Variants in MAPK8IP3 observed in about 807,000 individuals in gnomAD.
The protein encoded by MAPK8IP3 is mitogen-activated protein kinase 8 interacting protein 3.
In MAPK8IP3, 49 loss-of-function variants were observed where a neutral mutation model predicts 157.8. The observed-to-expected ratio is 0.31, with a 90% CI of 0.25 to 0.39. The LOEUF is 0.39. Ranked by LOEUF, MAPK8IP3 falls within the 10% of genes least tolerant of loss-of-function variation. MAPK8IP3 has a pLI of 1.00. For synonymous variants in MAPK8IP3, 897 were observed against 777.7 expected, an observed-to-expected ratio of 1.15 and a Z score of -2.55; for missense variants, 1,478 against 1,889.4, an observed-to-expected ratio of 0.78 and a Z score of 4.04.
At position 1,767,977 on chromosome 16, in the gene MAPK8IP3, C is replaced by T. The variant is rs552595422; in HGVS notation, c.3523+59C>T. ...GCTGCCAGAGGTGTACGTGGGTTCACGGGGTGGCTCTGCAGGGCCACCTTG... is the reference window on the plus strand; with the variant it reads ...GCTGCCAGAGGTGTACGTGGGTTCATGGGGTGGCTCTGCAGGGCCACCTTG... On this transcript the variant is annotated intron_variant, in intron 28 of 31. Transcript: ENST00000610761. The T allele has an allele frequency of 1.1e-4, 183 of 1,607,478 alleles. 1 individual carries two copies. Among genetic ancestry groups the T allele is most frequent in the South Asian group, 8.6e-4 (78 of 90,982 alleles).
At chr16:1,764,874 TC>T (rs1439513626) in intron 19 of MAPK8IP3, 138 bp from the exon 20 acceptor site, 5 of 801,170 alleles carry the variant, frequency 6.2e-6, no homozygotes, top group Non-Finnish European at 7.9e-6. Flanking sequence ...ATTGTTCTGG[TC>T]CTGGGGGAGG....
chr16:1,746,834 A>C, intron 5 of MAPK8IP3, 195 bp from the exon 6 acceptor site: 1 of 636,804 alleles, frequency 1.6e-6, no homozygotes, highest in Admixed American at 3.0e-5. Context: ...CAGTGGCCGG[A>C]TAAGCAGAGC....
intron 20 of MAPK8IP3, among the ~76,000 whole-genome samples, 155 bp from the exon 21 acceptor site, chr16:1,765,804 TC>T (rs1423206253): frequency 6.6e-6 from 1 of 151,924 alleles, no homozygotes; most frequent in Non-Finnish European, 1.5e-5. Flanking sequence ...AGGCAGAGGG[TC>T]GTGGGTGGGC....
intron 1 of MAPK8IP3, among the ~76,000 whole-genome samples, chr16:1,720,585 C>A (rs767762122): frequency 2.0e-5 from 3 of 152,160 alleles, no homozygotes; most frequent in African/African-American, 7.2e-5. Flanking sequence ...TCCAGAAGCA[C>A]GTCACACAAT....
chr16:1,706,804 C>G lies in MAPK8IP3; in HGVS notation c.318+147C>G. On this transcript the variant is annotated intron_variant, in intron 1 of 31. Transcript: ENST00000610761. The surrounding 1 kb of genome is among the most constrained non-coding windows in gnomAD (Gnocchi z 5.1). ...TGGACCCCCAGACCCCGCCCCGAGA[C>G]CCGCCTGGACCCCATATCCCCCGCC... 1.2e-6 allele frequency: 1 copy of G among 807,288 alleles called. No homozygotes were observed. Among genetic ancestry groups the G allele is most frequent in the Non-Finnish European group, 1.8e-6 (1 of 548,380 alleles). 50.0% of individuals were successfully genotyped at this position (807,288 alleles called of 1,614,324 possible).
chr16:1,754,125 A>G (rs2041456858), intron 8 of MAPK8IP3, among the ~76,000 whole-genome samples: 1 of 151,744 alleles, frequency 6.6e-6, no homozygotes, highest in Admixed American at 6.6e-5. Context: ...GTGAGCCGAG[A>G]TCGCACCACC....
chr16:1,764,046 GTC>G (rs1361132141), intron 17 of MAPK8IP3, 67 bp from the exon 18 acceptor site: 1 of 1,446,862 alleles, frequency 6.9e-7, no homozygotes, highest in Non-Finnish European at 9.3e-7. Context: ...AGCCCTACCT[GTC>G]TCAGATTTCT....
rs1297441969 is a variant in MAPK8IP3 at position 1,764,172 on chromosome 16, T to C, written c.2083T>C (p.Tyr695His). The change falls in exon 18 of 32, where the codon TAC becomes CAC. Residue 695 changes from tyrosine to histidine, a missense_variant. This residue lies in a region of MAPK8IP3 where 669 missense variants were observed against 759.8 expected (regional missense o/e 0.88). Transcript: ENST00000610761. ...GATGAAGAACGTGCCGGTGCCGGTG[T>C]ACTGCCGCCCTCTGGTGGAGAAGGA... Reference protein sequence around the residue: ...TRMKNVPVPVYCRPLVEKDPT... With the variant: ...TRMKNVPVPVHCRPLVEKDPT... 1 of 1,611,840 alleles carries C rather than the reference T, an allele frequency of 6.2e-7. No homozygotes were observed. Among genetic ancestry groups the C allele is most frequent in the Non-Finnish European group, 8.5e-7 (1 of 1,179,576 alleles).
At chr16:1,767,438 C>A in intron 26 of MAPK8IP3, 126 bp from the exon 27 acceptor site, 5 of 1,496,994 alleles carry the variant, frequency 3.3e-6, no homozygotes, top group Non-Finnish European at 4.5e-6. Context: ...CTCGAACAGG[C>A]GCAAAGCAGG....
chr16:1,760,296 G>A (rs146483992), intron 11 of MAPK8IP3, 84 bp from the exon 12 acceptor site: 179 of 1,509,936 alleles, frequency 1.2e-4, no homozygotes, highest in Middle Eastern at 2.5e-4. Context: ...TCTCCAGGGC[G>A]GAAGTGCAGG....
At chr16:1,744,203 C>T (rs1356267586) in intron 5 of MAPK8IP3, 1 of 985,492 alleles carries the variant, frequency 1.0e-6, no homozygotes, top group Non-Finnish European at 1.2e-6. Context: ...AGGACAGCCA[C>T]CTTCCTGGGA....
chr16:1,748,610 A>C lies in MAPK8IP3; in HGVS notation c.1106A>C (p.Gln369Pro). Residue 369 changes from glutamine (Q) to proline (P), a missense_variant, in exon 8 of 32, where the codon CAG becomes CCG. Gln to Pro is a moderately conservative substitution (Grantham distance 76). Around this residue, in one of 11 missense-constraint regions of MAPK8IP3, gnomAD observed 315 missense variants for 394.4 expected, o/e 0.80. Transcript: ENST00000610761. ...CCTGTGGATCCCAACAGCCCAACCC[A>C]GGGCATCGTGAACAAAGCTTTCGGC... ...RLDRTGSSPT[Q>P]GIVNKAFGIN... 6.2e-7 allele frequency: 1 copy of C among 1,613,260 alleles called. No individual in the cohort carries two copies. The highest frequency in any genetic ancestry group is 1.3e-5 in the African/African-American group (1 of 75,038).
intron 1 of MAPK8IP3, among the ~76,000 whole-genome samples, chr16:1,719,895 T>G (rs1264609591): frequency 6.6e-6 from 1 of 151,832 alleles, no homozygotes; most frequent in Non-Finnish European, 1.5e-5. Context: ...ATGTTGAGAG[T>G]TCTACAAAAG....
At chr16:1,714,744 AT>A (rs1450674824) in intron 1 of MAPK8IP3, among the ~76,000 whole-genome samples, 2 of 152,004 alleles carry the variant, frequency 1.3e-5, no homozygotes, top group African/African-American at 4.8e-5. Context: ...GGGTTAGAGC[AT>A]TCATGTTTTG....
chr16:1,739,756 G>C (rs976746878), intron 4 of MAPK8IP3, among the ~76,000 whole-genome samples: 1 of 135,164 alleles, frequency 7.4e-6, no homozygotes, highest in African/African-American at 2.8e-5. Flanking sequence ...GTCCGTGTGT[G>C]ACCGTCCATG....
intron 4 of MAPK8IP3, among the ~76,000 whole-genome samples, chr16:1,737,500 G>A (rs539726106): frequency 4.9e-5 from 5 of 102,626 alleles, no homozygotes; most frequent in South Asian, 5.7e-4. Context: ...GTGAGCGTCC[G>A]TGTGAGCGTG....
chr16:1,760,044 G>A (rs375975934), intron 11 of MAPK8IP3, 29 bp downstream of exon 11: 139 of 1,613,368 alleles, frequency 8.6e-5, no homozygotes, highest in Admixed American at 1.3e-4. Flanking sequence ...TGTGTGGTGG[G>A]GCTGAGGCAG....
chr16:1,765,688 A>G (rs1485612071), intron 20 of MAPK8IP3, among the ~76,000 whole-genome samples: 2 of 152,200 alleles, frequency 1.3e-5, no homozygotes, highest in Non-Finnish European at 2.9e-5. Flanking sequence ...AGGGTCTGCC[A>G]CAGGATCACA....
rs370304472 is a variant in MAPK8IP3, at chr16:1,724,690, C to T, written c.439+13C>T. 12 of 1,606,900 alleles carry T rather than the reference C, an allele frequency of 7.5e-6. No individual in the cohort carries two copies. Among genetic ancestry groups the T allele is most frequent in the East Asian group, 4.5e-5 (2 of 44,730 alleles). On this transcript the variant is annotated intron_variant, in intron 2 of 31. Coordinates refer to ENST00000610761, the MANE Select transcript of MAPK8IP3 (RefSeq NM_001318852.2). This position sits in a 1 kb window ranked among gnomAD's most constrained non-coding sequence, Gnocchi z 4.1. ...TATGCCGATCAGAGTAAGTGGCTGG[C>T]GGGAGCCTGGAGGCGCGCTTGATGG...
Sources: gnomAD v4.1 joint callset for allele counts (sites outside exome capture counted in the v4.1 genomes callset) on GRCh38, gnomAD v4.1.1 for gene constraint, gnomAD v4.1.1 regional missense constraint, Gnocchi (gnomAD v3.1) non-coding constraint, MANE v1.5 for transcripts, NCBI Gene and HGNC (gene_info 2026-07-23, HGNC 2026-07-21) for gene names.